Variants in ATAD3B observed in about 807,000 individuals in gnomAD.
The protein encoded by ATAD3B is ATPase family AAA domain-containing protein 3B.
In ATAD3B, 59 loss-of-function variants were observed where a neutral mutation model predicts 70.2. That is an observed-to-expected ratio of 0.84 (90% CI 0.68 to 1.04). The LOEUF (loss-of-function observed/expected upper bound fraction) is 1.04, where lower values mean the gene tolerates loss of function less well. ATAD3B is among the 50% of genes least tolerant of loss of function. The pLI is 0.00. For missense variants in ATAD3B, 961 were observed against 913.4 expected (o/e 1.05, Z -0.67); for synonymous variants, 423 against 388.6 (o/e 1.09, Z -1.04).
chr1:1,482,945 G>A, intron 7 of ATAD3B: 1 of 496,472 alleles, frequency 2.0e-6, no homozygotes, highest in Non-Finnish European at 3.9e-6. Flanking sequence ...GGGCTGCAGT[G>A]AGCCAACATT....
chr1:1,488,674 G>A (rs1037201123), intron 12 of ATAD3B, among the ~76,000 whole-genome samples: 2 of 151,848 alleles, frequency 1.3e-5, no homozygotes, highest in Admixed American at 6.6e-5. Context: ...CAGGAGAATC[G>A]CTTGAACCCA....
At chr1:1,494,925 C>G (rs1321925802) in intron 15 of ATAD3B, among the ~76,000 whole-genome samples, 1 of 152,054 alleles carries the variant, frequency 6.6e-6, no homozygotes, top group Non-Finnish European at 1.5e-5. Flanking sequence ...GGCAGAAGGG[C>G]TGCTGCACCT....
chr1:1,492,814 C>G (rs909515246), intron 15 of ATAD3B, among the ~76,000 whole-genome samples: 1 of 151,746 alleles, frequency 6.6e-6, no homozygotes, highest in African/African-American at 2.4e-5. Context: ...TGGCTGGCGC[C>G]TGTAGTCCCA....
intron 1 of ATAD3B, among the ~76,000 whole-genome samples, chr1:1,476,956 A>C (rs1639624673): frequency 6.6e-6 from 1 of 151,900 alleles, no homozygotes; most frequent in Non-Finnish European, 1.5e-5. Context: ...ACAGGCGTGC[A>C]CCACCACACC....
the ATAD3B span, among the ~76,000 whole-genome samples, chr1:1,505,160 G>A: frequency 6.6e-6 from 1 of 152,280 alleles, no homozygotes; most frequent in African/African-American, 2.4e-5. Flanking sequence ...CAAAGGGGCA[G>A]GATAAGGAGT....
chr1:1,481,762 G>T (rs1218681003), intron 5 of ATAD3B, among the ~76,000 whole-genome samples: 1 of 151,440 alleles, frequency 6.6e-6, no homozygotes, highest in East Asian at 2.0e-4. Flanking sequence ...AGGCCTCTGG[G>T]TCGGATTTCT....
downstream of ATAD3B, among the ~76,000 whole-genome samples, chr1:1,502,370 G>A (rs1206413026): frequency 5.0e-4 from 72 of 144,354 alleles, no homozygotes; most frequent in East Asian, 2.3e-3. Context: ...GCCCACCACC[G>A]CGCCTGGCTA....
At chr1:1,474,108 C>G (rs201076313) in intron 1 of ATAD3B, among the ~76,000 whole-genome samples, 1 of 152,024 alleles carries the variant, frequency 6.6e-6, no homozygotes, top group Non-Finnish European at 1.5e-5. Context: ...TGGCCTTGAC[C>G]TCCTGGGTAA....
In ATAD3B at chr1:1,477,571, G is replaced by A. The variant is rs962130093; in HGVS notation, c.282+221G>A. 6.6e-5 allele frequency among the ~76,000 whole-genome samples: 10 copies of A among 151,836 alleles called. No individual in the cohort carries two copies. The South Asian group carries it at 8.3e-4, about 13-fold the overall frequency. ...AGGGAGGGTCAGTGTTGGTGAGGGC[G>A]TCTGGTCGTCCTGAGGGAGGGCCGG... is the stretch of plus-strand genomic sequence containing the variant. On this transcript the variant is annotated intron_variant, in intron 2 of 15. Coordinates refer to ENST00000673477, the MANE Select transcript of ATAD3B (RefSeq NM_031921.6).
rs1390361340 is a variant in ATAD3B at position 1,479,204 on chromosome 1, G to A, written c.444+96G>A. ...GGGTCAGAGGCCACGGGGCAAGAACGATGGGGTTGCTGACGGTGGGTGCTA... is the reference window on the plus strand; with the variant it reads ...GGGTCAGAGGCCACGGGGCAAGAACAATGGGGTTGCTGACGGTGGGTGCTA... On this transcript the variant is annotated intron_variant, in intron 4 of 15. Coordinates refer to ENST00000673477, the MANE Select transcript of ATAD3B (RefSeq NM_031921.6). The A allele has an allele frequency of 3.0e-5, 42 of 1,423,396 alleles. 5 individuals carry two copies. Among genetic ancestry groups the A allele is most frequent in the Admixed American group, 6.1e-5 (3 of 49,580 alleles). The allele number at this position is 1,423,396 out of a possible 1,614,324, so 88.2% of individuals were successfully genotyped here. A position where few individuals can be genotyped will look rare whatever the true frequency, so the allele number is the denominator to read the frequency against.
Position 1,477,310 on chromosome 1 carries a change from A to T in ATAD3B, c.242A>T (p.Gln81Leu). ...AKEALNLAQM[Q>L]EQTLQLEQQS... ...GAGGCCCTGAATCTGGCGCAGATGC[A>T]GGAGCAGACGCTGCAGTTGGAGCAA... The change falls in exon 2 of 16, where the codon CAG (glutamine) becomes CTG (leucine). Residue 81 changes from glutamine (Q) to leucine (L), a missense_variant. This residue lies in a region of ATAD3B where 187 missense variants were observed against 244.3 expected (regional missense o/e 0.77). Coordinates refer to ENST00000673477, the MANE Select transcript of ATAD3B (RefSeq NM_031921.6). 1.2e-6 allele frequency: 2 copies of T among 1,612,376 alleles called. No homozygotes were observed. Among genetic ancestry groups the T allele is most frequent in the Non-Finnish European group, 1.7e-6 (2 of 1,179,716 alleles).
chr1:1,486,634 A>C lies in ATAD3B; in HGVS notation c.1180A>C (p.Lys394Gln), dbSNP rs771463932. 1.9e-6 allele frequency: 3 copies of C among 1,610,004 alleles called. No individual in the cohort carries two copies. Among genetic ancestry groups the C allele is most frequent in the Middle Eastern group, 1.7e-4 (1 of 5,956 alleles). Residue 394 changes from lysine (K) to glutamine (Q), a missense_variant, in exon 11 of 16, where the codon AAG becomes CAG. Transcript: ENST00000673477. ...MGREGVTAMH[K>Q]LFDWANTSRR... is the part of the protein sequence containing the mutation. ...GCGGGAAGGCGTGACCGCCATGCAC[A>C]AGCTCTTTGACTGGGCCAATACCAG...
At chr1:1,495,183 C>T (rs1237368181) in intron 15 of ATAD3B, among the ~76,000 whole-genome samples, 3 of 152,038 alleles carry the variant, frequency 2.0e-5, no homozygotes, top group Non-Finnish European at 4.4e-5. Flanking sequence ...GCAGTTCCCA[C>T]CTGCCTCTCG....
chr1:1,486,373 G>C, intron 10 of ATAD3B, 138 bp downstream of exon 10: 2 of 1,576,676 alleles, frequency 1.3e-6, no homozygotes, highest in Non-Finnish European at 1.7e-6. Flanking sequence ...CAGGGTGCTG[G>C]TGTGGGCAGC....
rs753705342 is a variant in ATAD3B at position 1,477,390 on chromosome 1, A to G, written c.282+40A>G. ...TGTGGGCGAGGAGGCCGGGGCGCACATGGGGTTCAGGCGTGGAGATTGGTG... is the reference window on the plus strand; with the variant it reads ...TGTGGGCGAGGAGGCCGGGGCGCACGTGGGGTTCAGGCGTGGAGATTGGTG... On this transcript the variant is annotated intron_variant, in intron 2 of 15. Coordinates refer to ENST00000673477, the MANE Select transcript of ATAD3B (RefSeq NM_031921.6). 67 of 1,611,078 alleles carry G rather than the reference A, an allele frequency of 4.2e-5. No homozygotes were observed. The East Asian group carries it at 1.3e-3, about 32-fold the overall frequency.
intron 2 of ATAD3B, 98 bp downstream of exon 2, chr1:1,477,448 G>A: frequency 6.4e-7 from 1 of 1,572,614 alleles, no homozygotes; most frequent in Non-Finnish European, 8.7e-7. Context: ...CCAGGGGCGT[G>A]TACATGGGCA....
Position 1,490,369 on chromosome 1 carries a change from C to T in ATAD3B, c.1450C>T (p.Leu484=). 1.9e-6 allele frequency: 3 copies of T among 1,613,484 alleles called. No homozygotes were observed. Among genetic ancestry groups the T allele is most frequent in the Non-Finnish European group, 2.5e-6 (3 of 1,179,668 alleles). Residue 484 remains leucine, a synonymous_variant, in exon 14 of 16, where the codon CTG becomes TTG. Transcript: ENST00000673477. ...GCCGCAGCAGGAGGAGCGGGAGCGC[C>T]TGGTGAGACTGCATTTTGACAACTG... ...DLPQQEERER[L]VRLHFDNCVL... is the part of the protein sequence containing the mutation.
In ATAD3B at chr1:1,485,172, G is replaced by T. The variant is rs1473772193; in HGVS notation, c.906+1G>T. ...GGAGGCGCTGCGGCACCCCATCCAG[G>T]TAGCGGCGCAGGCCTGGCCCTCCCT... On this transcript the variant is annotated splice_donor_variant, in intron 8 of 15. Coordinates refer to ENST00000673477, the MANE Select transcript of ATAD3B (RefSeq NM_031921.6). LOFTEE classifies it high-confidence loss of function. 6.2e-7 allele frequency: 1 copy of T among 1,610,024 alleles called. No homozygotes were observed. The highest frequency in any genetic ancestry group is 2.2e-5 in the East Asian group (1 of 44,882).
chr1:1,508,514 C>T, the ATAD3B span, among the ~76,000 whole-genome samples: 1 of 151,390 alleles, frequency 6.6e-6, no homozygotes, highest in Non-Finnish European at 1.5e-5. Context: ...TGGTGCCCTC[C>T]TGAGCACGGC....
Sources: gnomAD v4.1 joint callset for allele counts (sites outside exome capture counted in the v4.1 genomes callset) on GRCh38, gnomAD v4.1.1 for gene constraint, gnomAD v4.1.1 regional missense constraint, MANE v1.5 for transcripts, NCBI Gene and HGNC (gene_info 2026-07-23, HGNC 2026-07-21) for gene names.